Variants in MTMR7 observed in about 807,000 individuals in gnomAD.
The protein encoded by MTMR7 is phosphatidylinositol-3-phosphate phosphatase MTMR7.
In MTMR7, 76 loss-of-function variants were observed where a neutral mutation model predicts 81.2. The ratio of observed to expected loss-of-function variants is 0.94; its 90% CI spans 0.78 to 1.13. The LOEUF is 1.13. MTMR7 is among the 50% of genes most tolerant of loss of function. The pLI, the probability that MTMR7 is intolerant of heterozygous loss-of-function variation, is 0.00. For missense variants in MTMR7, 1,044 were observed against 820.0 expected, an observed-to-expected ratio of 1.27 and a Z score of -3.34; for synonymous variants, 372 against 289.8, an observed-to-expected ratio of 1.28 and a Z score of -2.88.
chr8:17,368,901 C>A (rs939641221), intron 3 of MTMR7, among the ~76,000 whole-genome samples: 1 of 152,174 alleles, frequency 6.6e-6, no homozygotes, highest in South Asian at 2.1e-4. Context: ...ATACCTAACT[C>A]CCTTCATCTT....
intron 6 of MTMR7, among the ~76,000 whole-genome samples, chr8:17,337,977 C>T (rs1819300765): frequency 6.6e-6 from 1 of 152,198 alleles, no homozygotes; most frequent in African/African-American, 2.4e-5. Context: ...TTAATGAAAC[C>T]TGTGAGCAAA....
At chr8:17,385,817 C>T (rs1820921130) in intron 1 of MTMR7, among the ~76,000 whole-genome samples, 1 of 152,174 alleles carries the variant, frequency 6.6e-6, no homozygotes, top group Non-Finnish European at 1.5e-5. Context: ...CTCCCGGCAG[C>T]AGATGCCACC....
In MTMR7 at chr8:17,297,647, T is replaced by C. The variant is rs544790510; in HGVS notation, c.*2215A>G. ...AATATGCCTCAAATCAGTTTTATAC[T>C]GGATTATTCCCTATGCTTTAAACCA... On this transcript the variant is annotated 3_prime_UTR_variant, in exon 14 of 14. Transcript: ENST00000180173. 6.6e-6 allele frequency: 1 copy of C among 152,068 alleles called. No homozygotes were observed. Among genetic ancestry groups the C allele is most frequent in the Non-Finnish European group, 1.5e-5 (1 of 67,928 alleles). 9.4% of individuals were successfully genotyped at this position (152,068 alleles called of 1,614,324 possible). A position where few individuals can be genotyped will look rare whatever the true frequency, so the allele number is the denominator to read the frequency against.
intron 1 of MTMR7, among the ~76,000 whole-genome samples, chr8:17,401,434 G>C (rs1821426496): frequency 6.6e-6 from 1 of 152,036 alleles, no homozygotes; most frequent in African/African-American, 2.4e-5. Context: ...TGGGAAATGA[G>C]ATTTGAGAGG....
intron 13 of MTMR7, 182 bp downstream of exon 13, chr8:17,301,972 A>T: frequency 1.4e-6 from 1 of 691,366 alleles, no homozygotes; most frequent in Non-Finnish European, 2.3e-6. Context: ...GAAATGCATT[A>T]AATGCCTAGG....
chr8:17,308,767 C>G (rs1817628147), intron 10 of MTMR7, among the ~76,000 whole-genome samples: 1 of 152,134 alleles, frequency 6.6e-6, no homozygotes, highest in Non-Finnish European at 1.5e-5. Flanking sequence ...CCCAGACGTC[C>G]AAGGCCAGAC....
intron 3 of MTMR7, among the ~76,000 whole-genome samples, chr8:17,364,255 G>C (rs1039125419): frequency 6.6e-6 from 1 of 151,664 alleles, no homozygotes; most frequent in African/African-American, 2.4e-5. Flanking sequence ...AGATGGTCTC[G>C]ATCTCCTGAC....
intron 7 of MTMR7, among the ~76,000 whole-genome samples, chr8:17,328,127 T>C (rs1158813369): frequency 6.6e-6 from 1 of 152,086 alleles, no homozygotes; most frequent in Non-Finnish European, 1.5e-5. Context: ...AAAGTGAAAT[T>C]TTCTAGGTGA....
intron 7 of MTMR7, among the ~76,000 whole-genome samples, chr8:17,316,200 G>A (rs546866017): frequency 4.1e-4 from 63 of 151,900 alleles, no homozygotes; most frequent in African/African-American, 1.4e-3. Flanking sequence ...GGTAATAATA[G>A]CCTCTGTATC....
At chr8:17,403,996 T>TAAGATCATA (rs1821502930) in intron 1 of MTMR7, among the ~76,000 whole-genome samples, 1 of 152,190 alleles carries the variant, frequency 6.6e-6, no homozygotes, top group African/African-American at 2.4e-5. Flanking sequence ...TTTCCAAATA[T>TAAGATCATA]AAGATCATAT....
At chr8:17,359,082 G>C (rs1228972131) in intron 4 of MTMR7, among the ~76,000 whole-genome samples, 2 of 151,978 alleles carry the variant, frequency 1.3e-5, no homozygotes, top group African/African-American at 4.8e-5. Flanking sequence ...GCTTTTGTGG[G>C]AATGGGGTTC....
intron 7 of MTMR7, among the ~76,000 whole-genome samples, chr8:17,321,709 G>C (rs890371064): frequency 1.1e-4 from 16 of 152,146 alleles, no homozygotes; most frequent in African/African-American, 3.9e-4. Context: ...CCATTTTGCT[G>C]AACAAAGTTC....
At chr8:17,389,758 G>GA (rs1252458609) in intron 1 of MTMR7, among the ~76,000 whole-genome samples, 2 of 151,794 alleles carry the variant, frequency 1.3e-5, no homozygotes, top group Non-Finnish European at 2.9e-5. Flanking sequence ...CAGAGACGGG[G>GA]AAAAAATAAA....
chr8:17,365,372 G>T (rs1466365150), intron 3 of MTMR7, among the ~76,000 whole-genome samples: 1 of 152,038 alleles, frequency 6.6e-6, no homozygotes, highest in Non-Finnish European at 1.5e-5. Flanking sequence ...TTGTTATGCA[G>T]AAGCTTCTTA....
chr8:17,378,842 T>C (rs2150570608), intron 1 of MTMR7, among the ~76,000 whole-genome samples: 1 of 152,360 alleles, frequency 6.6e-6, no homozygotes, highest in Admixed American at 6.5e-5. Context: ...TTGCTGCCTC[T>C]TAGCATCACT....
intron 1 of MTMR7, among the ~76,000 whole-genome samples, chr8:17,401,181 T>G (rs1455028068): frequency 6.6e-6 from 1 of 152,104 alleles, no homozygotes; most frequent in Non-Finnish European, 1.5e-5. Context: ...AGAGGTAAAG[T>G]ATGTTGGTTG....
intron 1 of MTMR7, among the ~76,000 whole-genome samples, chr8:17,411,332 T>G (rs1445717808): frequency 6.6e-6 from 1 of 152,200 alleles, no homozygotes; most frequent in Non-Finnish European, 1.5e-5. Context: ...TCCCTTGACC[T>G]TGAGGGCAGA....
intron 8 of MTMR7, among the ~76,000 whole-genome samples, chr8:17,312,800 T>A (rs1375446154): frequency 1.3e-5 from 2 of 152,116 alleles, no homozygotes; most frequent in Non-Finnish European, 2.9e-5. Context: ...CCAAGGTATT[T>A]ATTTCTTTAA....
chr8:17,313,323 G>A lies in MTMR7; in HGVS notation c.944C>T (p.Ala315Val), dbSNP rs746330442. 6.2e-7 allele frequency: 1 copy of A among 1,612,864 alleles called. No homozygotes were observed. The highest frequency in any genetic ancestry group is 1.1e-5 in the South Asian group (1 of 90,928). Residue 315 changes from alanine to valine, a missense_variant, in exon 8 of 14, where the codon GCC (alanine) becomes GTC (valine). Physicochemically the swap from Ala to Val is moderately conservative, Grantham distance 64 (BLOSUM62 0). Transcript: ENST00000180173. ...AATGAAGATTCCTGCATCCATTATG[G>A]CTTTAATGTGCCTTAACCAGCCAGA... ...ENSGWLRHIK[A>V]IMDAGIFIAK...
Sources: allele counts gnomAD v4.1 joint callset (sites outside exome capture counted in the v4.1 genomes callset), GRCh38; gene constraint gnomAD v4.1.1; transcripts MANE v1.5; gene names NCBI Gene and HGNC (gene_info 2026-07-23, HGNC 2026-07-21).